Variants in PALM2AKAP2 observed in about 807,000 individuals in gnomAD.
PALM2AKAP2 encodes PALM2 and AKAP2 fusion.
Under a neutral mutation model 71.5 loss-of-function variants are expected in PALM2AKAP2, and 37 were observed. The observed-to-expected ratio is 0.52, with a 90% CI of 0.40 to 0.68. PALM2AKAP2 has a LOEUF of 0.68. Ranked by LOEUF, PALM2AKAP2 falls within the 30% of genes least tolerant of loss-of-function variation. PALM2AKAP2 has a pLI of 0.00. For synonymous variants in PALM2AKAP2, 468 were observed against 478.8 expected (o/e 0.98, Z 0.29); for missense variants, 1,224 against 1,191.8 (o/e 1.03, Z -0.40).
chr9:109,883,304 C>T (rs1587983449), intron 3 of PALM2AKAP2, among the ~76,000 whole-genome samples: 2 of 152,318 alleles, frequency 1.3e-5, no homozygotes, highest in South Asian at 2.1e-4. Flanking sequence ...GAGCTAGAAT[C>T]CCAAGCCAGA....
chr9:110,050,072 C>G (rs1833680686), intron 1 of PALM2AKAP2, among the ~76,000 whole-genome samples: 1 of 152,252 alleles, frequency 6.6e-6, no homozygotes, highest in South Asian at 2.1e-4. Context: ...TGACATATCA[C>G]TACCCTTCCC....
chr9:109,875,842 G>C (rs894693099), intron 2 of PALM2AKAP2, among the ~76,000 whole-genome samples: 1 of 152,190 alleles, frequency 6.6e-6, no homozygotes, highest in Non-Finnish European at 1.5e-5. Flanking sequence ...GGCCAGTAGA[G>C]CCAGAAACAG....
chr9:110,002,637 T>C (rs1408602631), intron 6 of PALM2AKAP2, among the ~76,000 whole-genome samples: 4 of 152,234 alleles, frequency 2.6e-5, no homozygotes, highest in Non-Finnish European at 5.9e-5. Flanking sequence ...TCTGGTAGAA[T>C]TCAGCTGTGA....
intron 6 of PALM2AKAP2, among the ~76,000 whole-genome samples, chr9:109,954,658 T>TAAAA (rs56743395): frequency 1.4e-3 from 147 of 107,772 alleles, no homozygotes; most frequent in African/African-American, 1.6e-3. Flanking sequence ...TAAAGTATAA[T>TAAAA]AAAAAAAAAA....
chr9:109,934,161 C>A (rs542538951), intron 6 of PALM2AKAP2, among the ~76,000 whole-genome samples: 37 of 152,278 alleles, frequency 2.4e-4, no homozygotes, highest in Admixed American at 5.9e-4. Flanking sequence ...ATCCTTTATC[C>A]AAACATTGAA....
chr9:110,136,676 C>G (rs1341476967), exon 2 of PALM2AKAP2: 1 of 1,614,166 alleles, frequency 6.2e-7, no homozygotes, highest in Non-Finnish European at 8.5e-7. Context: ...GGGGGACAGC[C>G]TGCAGGTGCC....
chr9:109,905,317 C>T (rs1215185848), intron 3 of PALM2AKAP2, among the ~76,000 whole-genome samples: 1 of 152,206 alleles, frequency 6.6e-6, no homozygotes, highest in Non-Finnish European at 1.5e-5. Flanking sequence ...AGGCCATTGT[C>T]CCTGTCCAGC....
chr9:109,782,744 T>TTGTG (rs71492863), intron 1 of PALM2AKAP2, among the ~76,000 whole-genome samples: 14,288 of 144,174 alleles, frequency 0.099, 731 homozygotes, highest in Admixed American at 0.15. Context: ...GTGTGTTTGT[T>TTGTG]TGTGTGTGTG....
At chr9:110,120,191 T>C (rs1419985951) in intron 1 of PALM2AKAP2, among the ~76,000 whole-genome samples, 1 of 152,224 alleles carries the variant, frequency 6.6e-6, no homozygotes, top group East Asian at 1.9e-4. Context: ...TTTTCACTGT[T>C]ATAAATAAGA....
chr9:110,137,059 G>A (rs1345798365), exon 2 of PALM2AKAP2: 2 of 1,613,888 alleles, frequency 1.2e-6, no homozygotes, highest in African/African-American at 2.7e-5. Flanking sequence ...GAAGGGCACA[G>A]CAGGAACAGT....
At chr9:109,887,300 A>G (rs1261865018) in intron 3 of PALM2AKAP2, among the ~76,000 whole-genome samples, 1 of 152,184 alleles carries the variant, frequency 6.6e-6, no homozygotes, top group Non-Finnish European at 1.5e-5. Context: ...TGTTCTTCAC[A>G]TTTGCTATTT....
intron 6 of PALM2AKAP2, among the ~76,000 whole-genome samples, chr9:109,965,184 G>T (rs1322208584): frequency 6.6e-6 from 1 of 152,108 alleles, no homozygotes; most frequent in East Asian, 1.9e-4. Flanking sequence ...CTATGAAGTG[G>T]GACTAATAAT....
At chr9:110,108,304 G>T (rs1286263476) in intron 1 of PALM2AKAP2, among the ~76,000 whole-genome samples, 1 of 151,720 alleles carries the variant, frequency 6.6e-6, no homozygotes, top group African/African-American at 2.4e-5. Context: ...GTAGAGACAG[G>T]TTTTCACCAT....
chr9:109,689,225 T>C lies in PALM2AKAP2; in HGVS notation c.5+48359T>C, dbSNP rs548080526. On this transcript the variant is annotated intron_variant, in intron 1 of 6. Transcript: ENST00000374531. ...CTTTTTTTTTTTTTTTTTTTTTAGA[T>C]GGAGTCTGGCTCTGTCACCCAGGCT... Among the ~76,000 whole-genome samples, 163 of 144,126 alleles carry C rather than the reference T, an allele frequency of 1.1e-3. 1 individual carries two copies. The highest frequency in any genetic ancestry group is 4.0e-3 in the African/African-American group (153 of 38,144). 94.6% of individuals were successfully genotyped at this position (144,126 alleles called of 152,430 possible).
At chr9:109,736,152 GT>G (rs1305145868) in intron 1 of PALM2AKAP2, among the ~76,000 whole-genome samples, 1 of 152,074 alleles carries the variant, frequency 6.6e-6, no homozygotes, top group Non-Finnish European at 1.5e-5. Context: ...AATCCCCTGT[GT>G]TTTTGTCTTG....
intron 1 of PALM2AKAP2, among the ~76,000 whole-genome samples, chr9:110,102,458 T>C (rs1198349964): frequency 1.3e-5 from 2 of 152,184 alleles, no homozygotes; most frequent in Non-Finnish European, 2.9e-5. Context: ...TTGTGTTACC[T>C]CCAGAGCTGG....
intron 1 of PALM2AKAP2, among the ~76,000 whole-genome samples, chr9:110,097,641 A>G (rs1834886306): frequency 7.1e-6 from 1 of 141,166 alleles, no homozygotes; most frequent in Non-Finnish European, 1.5e-5. Context: ...CCTAGATGGG[A>G]TGGCGGCTGG....
chr9:110,138,082 C>G, exon 2 of PALM2AKAP2: 1 of 1,608,436 alleles, frequency 6.2e-7, no homozygotes, highest in African/African-American at 1.3e-5. Flanking sequence ...CTGCGGCTTT[C>G]GGCTCAGAAA....
At chr9:110,040,074 G>A (rs1008799801) in intron 7 of PALM2AKAP2, among the ~76,000 whole-genome samples, 3 of 151,976 alleles carry the variant, frequency 2.0e-5, no homozygotes, top group African/African-American at 4.8e-5. Context: ...AGGAGAGGGA[G>A]AGGGAGCTAT....
Sources: gnomAD v4.1 joint callset for allele counts (sites outside exome capture counted in the v4.1 genomes callset) on GRCh38, gnomAD v4.1.1 for gene constraint, MANE v1.5 for transcripts, NCBI Gene and HGNC (gene_info 2026-07-23, HGNC 2026-07-21) for gene names.